Variants in KLRG1 observed in about 807,000 individuals in gnomAD.
KLRG1 encodes killer cell lectin like receptor G1, also known as killer cell lectin-like receptor subfamily G member 1.
In KLRG1, 16 loss-of-function variants were observed where a neutral mutation model predicts 21.8. The ratio of observed to expected loss-of-function variants is 0.73; its 90% CI spans 0.50 to 1.11. The LOEUF is 1.11. KLRG1 is among the 50% of genes most tolerant of loss of function. The pLI, the probability that KLRG1 is intolerant of heterozygous loss-of-function variation, is 0.00. For synonymous variants in KLRG1, 69 were observed against 75.9 expected (o/e 0.91, Z 0.47); for missense variants, 173 against 218.3 (o/e 0.79, Z 1.31).
chr12:9,149,699 G>A, the KLRG1 span: 16 of 1,149,620 alleles, frequency 1.4e-5, no homozygotes, highest in Middle Eastern at 2.1e-4. Flanking sequence ...AGAAAAGCAC[G>A]CCCTATCAGA....
chr12:9,002,635 C>T (rs758746388), intron 3 of KLRG1, among the ~76,000 whole-genome samples: 1 of 152,132 alleles, frequency 6.6e-6, no homozygotes, highest in Admixed American at 6.5e-5. Flanking sequence ...GGCACAATCT[C>T]ATCTCACTGC....
At chr12:9,193,781 A>G in the KLRG1 span, among the ~76,000 whole-genome samples, 4 of 152,172 alleles carry the variant, frequency 2.6e-5, no homozygotes, top group African/African-American at 7.2e-5. Context: ...AACATAAAAC[A>G]AAGTACATGA....
At chr12:9,085,598 T>C in the KLRG1 span, among the ~76,000 whole-genome samples, 1 of 151,454 alleles carries the variant, frequency 6.6e-6, no homozygotes, top group Non-Finnish European at 1.5e-5. Flanking sequence ...CTCAGAGAAG[T>C]AGGAAAAGAA....
chr12:9,166,498 A>G, the KLRG1 span, among the ~76,000 whole-genome samples: 2 of 152,206 alleles, frequency 1.3e-5, no homozygotes, highest in East Asian at 3.9e-4. Flanking sequence ...CGAAGGACCA[A>G]TTTTGAAATT....
At chr12:9,077,773 T>C in the KLRG1 span, 8 of 1,614,026 alleles carry the variant, frequency 5.0e-6, no homozygotes, top group Non-Finnish European at 6.8e-6. Context: ...GGGAGAGCCA[T>C]ATGAGGGCTT....
At chr12:9,101,453 A>T in the KLRG1 span, 1 of 1,611,948 alleles carries the variant, frequency 6.2e-7, no homozygotes, top group Non-Finnish European at 8.5e-7. Context: ...TCACCAGATA[A>T]TAGAAGGAGA....
chr12:9,189,429 G>A, the KLRG1 span, among the ~76,000 whole-genome samples: 2 of 152,176 alleles, frequency 1.3e-5, no homozygotes, highest in Non-Finnish European at 2.9e-5. Context: ...TGAGATAACT[G>A]GCTAGCCATA....
At chr12:9,094,748 A>G in the KLRG1 span, among the ~76,000 whole-genome samples, 1 of 152,142 alleles carries the variant, frequency 6.6e-6, no homozygotes, top group Non-Finnish European at 1.5e-5. Flanking sequence ...TTCTGTTTAC[A>G]CTAATCCTAC....
chr12:9,018,611 G>A, the KLRG1 span, among the ~76,000 whole-genome samples: 1 of 151,552 alleles, frequency 6.6e-6, no homozygotes, highest in African/African-American at 2.4e-5. Flanking sequence ...TGAGGCTGAG[G>A]TGGGAGATCA....
In KLRG1 at chr12:8,977,243, G is replaced by A. The variant is rs185283708; in HGVS notation, c.-155-14963G>A. ...TTTTGAGACGGAGTCTGGCTCTGCCGCCCAGGCTGGAGTGCAGTGGCGTGA... is the reference window on the plus strand; with the variant it reads ...TTTTGAGACGGAGTCTGGCTCTGCCACCCAGGCTGGAGTGCAGTGGCGTGA... On this transcript the variant is annotated intron_variant, in intron 1 of 4. Coordinates refer to the KLRG1 transcript ENST00000539240. Among the ~76,000 whole-genome samples the A allele has an allele frequency of 2.4e-3, 361 of 149,868 alleles. 4 individuals are homozygous for A. Among genetic ancestry groups the A allele is most frequent in the Admixed American group, 0.02 (297 of 15,024 alleles).
chr12:9,090,960 TTTTGTCACCCCTGTCAGAA>T, the KLRG1 span, among the ~76,000 whole-genome samples: 2 of 152,180 alleles, frequency 1.3e-5, no homozygotes, highest in African/African-American at 4.8e-5. Flanking sequence ...GAGTACTGAC[TTTTGTCACCCCTGTCAGAA>T]TTCTTCATAC....
chr12:9,021,490 T>C, the KLRG1 span, among the ~76,000 whole-genome samples: 35 of 150,838 alleles, frequency 2.3e-4, no homozygotes, highest in African/African-American at 8.5e-4. Context: ...GACCTCCGCC[T>C]CCTGGGTTCA....
the KLRG1 span, among the ~76,000 whole-genome samples, chr12:9,161,880 T>G: frequency 1.3e-5 from 2 of 152,194 alleles, no homozygotes; most frequent in African/African-American, 4.8e-5. Context: ...TGCTATATGT[T>G]TTGTCAGCAG....
chr12:9,022,261 T>C, the KLRG1 span, among the ~76,000 whole-genome samples: 2 of 152,114 alleles, frequency 1.3e-5, no homozygotes, highest in Non-Finnish European at 2.9e-5. Context: ...GCACAGTGAG[T>C]TTGTTTGCAC....
the KLRG1 span, among the ~76,000 whole-genome samples, chr12:9,155,423 C>T: frequency 2.0e-5 from 3 of 152,106 alleles, no homozygotes; most frequent in Non-Finnish European, 2.9e-5. Flanking sequence ...CTGCTATAAG[C>T]ATGTTCTTTC....
At chr12:9,176,832 C>A in the KLRG1 span, among the ~76,000 whole-genome samples, 2 of 152,104 alleles carry the variant, frequency 1.3e-5, no homozygotes, top group Non-Finnish European at 2.9e-5. Context: ...GTGTGTGGGG[C>A]CAAATAACTT....
the KLRG1 span, among the ~76,000 whole-genome samples, chr12:9,212,218 T>C: frequency 6.6e-6 from 1 of 152,214 alleles, no homozygotes; most frequent in Non-Finnish European, 1.5e-5. Flanking sequence ...TGTGTCCCAC[T>C]GGGTCCCTGA....
the KLRG1 span, among the ~76,000 whole-genome samples, chr12:9,035,264 GCCATAAAAAAGGATGA>G: frequency 6.6e-6 from 1 of 152,080 alleles, no homozygotes; most frequent in South Asian, 2.1e-4. Flanking sequence ...ATACTATACA[GCCATAAAAAAGGATGA>G]GTTCATGTCC....
chr12:9,153,154 C>T, the KLRG1 span: 1 of 1,614,066 alleles, frequency 6.2e-7, no homozygotes, highest in Non-Finnish European at 8.5e-7. Context: ...TCCCCAGTTA[C>T]TGTTATGACA....
Sources: allele counts gnomAD v4.1 joint callset (sites outside exome capture counted in the v4.1 genomes callset), GRCh38; gene constraint gnomAD v4.1.1; transcripts MANE v1.5; gene names NCBI Gene and HGNC (gene_info 2026-07-23, HGNC 2026-07-21).